ANO6: variants seen among roughly 807,000 people sequenced by gnomAD.
The protein encoded by ANO6 is anoctamin 6, also known as anoctamin-6.
A neutral mutation model predicts 117.5 loss-of-function variants in ANO6; 106 were observed. That is an observed-to-expected ratio of 0.90 (90% CI 0.77 to 1.06). The LOEUF is 1.06. Ranked by LOEUF, ANO6 falls within the 50% of genes least tolerant of loss-of-function variation. ANO6 has a pLI of 0.00. For missense variants in ANO6, 955 were observed against 1,121.1 expected, an observed-to-expected ratio of 0.85 and a Z score of 2.12; for synonymous variants, 367 against 385.1, an observed-to-expected ratio of 0.95 and a Z score of 0.55.
rs577803009 is a variant in ANO6 at position 45,399,474 on chromosome 12, G to A, written c.1387-2321G>A. ...CCCTCAAAGTGCTGGGATTACAGGC[G>A]TGAGCCACCGCGCCTGGCCGAGGTC... On this transcript the variant is annotated intron_variant, in intron 12 of 19. Transcript: ENST00000320560. 9.4e-4 allele frequency among the ~76,000 whole-genome samples: 143 copies of A among 152,152 alleles called. 1 individual carries two copies. Among genetic ancestry groups the A allele is most frequent in the Non-Finnish European group, 4.1e-4 (28 of 68,018 alleles).
At chr12:45,421,969 C>T (rs905647016) in intron 18 of ANO6, among the ~76,000 whole-genome samples, 3 of 152,138 alleles carry the variant, frequency 2.0e-5, no homozygotes, top group African/African-American at 7.2e-5. Context: ...AGTCCAACTC[C>T]TCAAAGCCTT....
intron 8 of ANO6, among the ~76,000 whole-genome samples, chr12:45,361,593 A>G (rs1355936703): frequency 1.3e-5 from 2 of 152,152 alleles, no homozygotes; most frequent in African/African-American, 4.8e-5. Context: ...GAAAGCATTC[A>G]GTCTTTCACC....
intron 11 of ANO6, among the ~76,000 whole-genome samples, chr12:45,389,491 A>G (rs936882529): frequency 5.3e-5 from 8 of 152,244 alleles, no homozygotes; most frequent in South Asian, 2.1e-4. Flanking sequence ...AAACCTGCCA[A>G]TTTTATAGTT....
At chr12:45,229,534 C>T (rs990605290) in intron 1 of ANO6, among the ~76,000 whole-genome samples, 2 of 151,664 alleles carry the variant, frequency 1.3e-5, no homozygotes, top group African/African-American at 2.4e-5. Flanking sequence ...GGACTACAGG[C>T]GCCTGCCATC....
chr12:45,390,693 C>T (rs1420251331), intron 12 of ANO6, among the ~76,000 whole-genome samples, 195 bp downstream of exon 12: 3 of 152,142 alleles, frequency 2.0e-5, no homozygotes, highest in African/African-American at 7.2e-5. Context: ...GTTCGAGATA[C>T]CTTATCTGTT....
intron 8 of ANO6, among the ~76,000 whole-genome samples, chr12:45,363,703 G>C (rs919590477): frequency 1.3e-5 from 2 of 152,166 alleles, no homozygotes; most frequent in Non-Finnish European, 2.9e-5. Context: ...GGACCTGGTG[G>C]GAGATAATTG....
At chr12:45,403,582 A>G (rs1212576096) in intron 15 of ANO6, 46 bp downstream of exon 15, 1 of 1,496,214 alleles carries the variant, frequency 6.7e-7, no homozygotes, top group Non-Finnish European at 9.3e-7. Flanking sequence ...CAAGGGATAG[A>G]ACAGCCCATC....
At chr12:45,370,902 T>G (rs888061796) in intron 9 of ANO6, among the ~76,000 whole-genome samples, 5 of 152,160 alleles carry the variant, frequency 3.3e-5, no homozygotes, top group African/African-American at 9.7e-5. Flanking sequence ...GCTCCCAGCC[T>G]GAGCAACGCA....
intron 1 of ANO6, among the ~76,000 whole-genome samples, chr12:45,260,712 G>A (rs1385874185): frequency 1.3e-5 from 2 of 152,150 alleles, no homozygotes; most frequent in Non-Finnish European, 2.9e-5. Context: ...AGAGGATTGA[G>A]AGGAACCACT....
intron 1 of ANO6, among the ~76,000 whole-genome samples, chr12:45,237,293 C>T (rs1947661044): frequency 6.6e-6 from 1 of 152,194 alleles, no homozygotes; most frequent in African/African-American, 2.4e-5. Flanking sequence ...GACATGAAGT[C>T]CTTGCTGATG....
intron 1 of ANO6, among the ~76,000 whole-genome samples, chr12:45,220,717 G>A (rs1040691687): frequency 6.6e-6 from 1 of 152,188 alleles, no homozygotes; most frequent in Non-Finnish European, 1.5e-5. Context: ...GTGTCTTTTT[G>A]TATGCTAATA....
chr12:45,285,254 C>T (rs1262179554), intron 1 of ANO6, among the ~76,000 whole-genome samples: 1 of 152,178 alleles, frequency 6.6e-6, no homozygotes, highest in Non-Finnish European at 1.5e-5. Context: ...CATCACCATG[C>T]CCCACCCCAT....
chr12:45,255,293 G>GCAGGAATGTCATCTTGGC (rs1416580390), intron 1 of ANO6, among the ~76,000 whole-genome samples: 1 of 152,092 alleles, frequency 6.6e-6, no homozygotes, highest in Non-Finnish European at 1.5e-5. Flanking sequence ...TTCAATAAAA[G>GCAGGAATGTCATCTTGGC]CAGGAATGTC....
chr12:45,367,948 T>C (rs1038043199), intron 9 of ANO6, among the ~76,000 whole-genome samples, 155 bp downstream of exon 9: 4 of 152,246 alleles, frequency 2.6e-5, no homozygotes, highest in African/African-American at 7.2e-5. Context: ...TATACAATGC[T>C]TTATTCCTCT....
intron 1 of ANO6, among the ~76,000 whole-genome samples, chr12:45,301,009 C>T (rs1939465616): frequency 6.6e-6 from 1 of 152,178 alleles, no homozygotes; most frequent in Admixed American, 6.6e-5. Flanking sequence ...TAACATGGCA[C>T]TTGTCCAATA....
chr12:45,331,991 C>A (rs1454329382), intron 3 of ANO6, among the ~76,000 whole-genome samples: 1 of 152,052 alleles, frequency 6.6e-6, no homozygotes, highest in Non-Finnish European at 1.5e-5. Flanking sequence ...CTTGACCTCG[C>A]ATTTTTCTCT....
chr12:45,225,448 C>A (rs1232485597), intron 1 of ANO6, among the ~76,000 whole-genome samples: 1 of 151,928 alleles, frequency 6.6e-6, no homozygotes, highest in Non-Finnish European at 1.5e-5. Context: ...TAATGTTTTT[C>A]ACATAGTAGA....
At chr12:45,412,516 G>A (rs1176112208) in intron 16 of ANO6, among the ~76,000 whole-genome samples, 2 of 152,048 alleles carry the variant, frequency 1.3e-5, no homozygotes, top group African/African-American at 2.4e-5. Context: ...TTCCTCCTAT[G>A]CTGAACCCAC....
At chr12:45,310,569 A>T (rs116091810) in intron 2 of ANO6, among the ~76,000 whole-genome samples, 7 of 152,092 alleles carry the variant, frequency 4.6e-5, no homozygotes, top group Admixed American at 4.6e-4. Flanking sequence ...ACTAGCTTCT[A>T]TATTACTTTT....
Sources: gnomAD v4.1 joint callset for allele counts (sites outside exome capture counted in the v4.1 genomes callset) on GRCh38, gnomAD v4.1.1 for gene constraint, MANE v1.5 for transcripts, NCBI Gene and HGNC (gene_info 2026-07-23, HGNC 2026-07-21) for gene names.